EIF3K: variants seen among roughly 807,000 people sequenced by gnomAD.
The protein encoded by EIF3K is eIF-3 p28.
Under a neutral mutation model 34.2 loss-of-function variants are expected in EIF3K, and 27 were observed. The observed-to-expected ratio is 0.79, with a 90% confidence interval of 0.58 to 1.09. EIF3K has a LOEUF of 1.09. Among genes scored for constraint, EIF3K ranks in the 50% least tolerant of loss-of-function variants. The pLI, the probability that EIF3K is intolerant of heterozygous loss-of-function variation, is 0.00. For synonymous variants in EIF3K, 105 were observed against 105.7 expected (o/e 0.99, Z 0.04); for missense variants, 232 against 275.4 (o/e 0.84, Z 1.11).
At chr19:38,620,886 C>T (rs1224245814) in intron 2 of EIF3K, among the ~76,000 whole-genome samples, 1 of 151,390 alleles carries the variant, frequency 6.6e-6, no homozygotes, top group African/African-American at 2.4e-5. Flanking sequence ...AAGACCGAAA[C>T]TCCGTCTCAA....
At chr19:38,635,398 AC>A (rs1976169016) in intron 7 of EIF3K, 1 of 488,906 alleles carries the variant, frequency 2.0e-6, no homozygotes, top group East Asian at 3.0e-5. Context: ...GGGTCTCTGC[AC>A]CCTTATTTGT....
chr19:38,629,865 G>A lies in EIF3K; in HGVS notation c.355-2565G>A, dbSNP rs371320335. On this transcript the variant is annotated intron_variant, in intron 4 of 7. Coordinates refer to ENST00000248342, the MANE Select transcript of EIF3K (RefSeq NM_013234.4). ...TAGGTGGAGGTGAGGGCACAGAGGT[G>A]ACAGGCAGATTCTGTGTGGCCTAAT... 1.6e-4 allele frequency among the ~76,000 whole-genome samples: 25 copies of A among 152,312 alleles called. No individual in the cohort carries two copies. In the East Asian group the frequency reaches 3.3e-3, roughly 20 times the overall value.
At chr19:38,630,267 C>T (rs1389814978) in intron 4 of EIF3K, among the ~76,000 whole-genome samples, 1 of 150,926 alleles carries the variant, frequency 6.6e-6, no homozygotes, top group African/African-American at 2.5e-5. Context: ...GATTCTTCTG[C>T]CTCATCTTCC....
intron 4 of EIF3K, among the ~76,000 whole-genome samples, chr19:38,631,122 A>G (rs1976055622): frequency 6.6e-6 from 1 of 152,158 alleles, no homozygotes; most frequent in Non-Finnish European, 1.5e-5. Flanking sequence ...GGTAGCTGCT[A>G]TTCTTGTTAA....
Position 38,627,635 on chromosome 19 carries a change from C to T in EIF3K, c.354+1533C>T, listed in dbSNP as rs536514549. 1.2e-3 allele frequency among the ~76,000 whole-genome samples: 176 copies of T among 151,660 alleles called. 1 individual carries two copies. Among genetic ancestry groups the T allele is most frequent in the Admixed American group, 5.3e-3 (80 of 15,214 alleles). ...AGGTTATGGTGAGCTGAGATCATGCCGTTGCACTCCAGCCTGGGTGACAGA... is the reference window on the plus strand; with the variant it reads ...AGGTTATGGTGAGCTGAGATCATGCTGTTGCACTCCAGCCTGGGTGACAGA... On this transcript the variant is annotated intron_variant, in intron 4 of 7. Coordinates refer to ENST00000248342, the MANE Select transcript of EIF3K (RefSeq NM_013234.4).
chr19:38,625,928 T>C, intron 3 of EIF3K, 100 bp from the exon 4 acceptor site: 1 of 1,134,632 alleles, frequency 8.8e-7, no homozygotes, highest in Non-Finnish European at 1.3e-6. Context: ...GAGCTGAAGC[T>C]TTGGAAGAAA....
intron 1 of EIF3K, among the ~76,000 whole-genome samples, chr19:38,619,550 C>T (rs567706070): frequency 1.3e-5 from 2 of 152,062 alleles, no homozygotes; most frequent in South Asian, 2.1e-4. Context: ...TCGCCTGAGC[C>T]CAGGAGTTAG....
chr19:38,633,226 T>C (rs1044854108), intron 6 of EIF3K, among the ~76,000 whole-genome samples: 8 of 151,972 alleles, frequency 5.3e-5, no homozygotes, highest in South Asian at 2.1e-4. Context: ...TTCCAGGTCA[T>C]GTGGGGCCTC....
At chr19:38,631,579 TC>T (rs1976067515) in intron 4 of EIF3K, among the ~76,000 whole-genome samples, 1 of 152,156 alleles carries the variant, frequency 6.6e-6, no homozygotes, top group South Asian at 2.1e-4. Flanking sequence ...CACGAGACAT[TC>T]CATTGCCCAG....
intron 7 of EIF3K, 37 bp downstream of exon 7, chr19:38,635,155 A>AG (rs1568659054): frequency 6.2e-7 from 1 of 1,613,736 alleles, no homozygotes. Flanking sequence ...TTTGGGGCTA[A>AG]GGGGGTGCCC....
In EIF3K at chr19:38,626,063, C is replaced by T. The variant is rs746185236; in HGVS notation, c.315C>T (p.Leu105=). 4.3e-6 allele frequency: 7 copies of T among 1,614,140 alleles called. No individual in the cohort carries two copies. The highest frequency in any genetic ancestry group is 2.2e-5 in the East Asian group (1 of 44,876). Residue 105 remains leucine (L), a synonymous_variant, in exon 4 of 8, where the codon CTC becomes CTT. Coordinates refer to ENST00000248342, the MANE Select transcript of EIF3K (RefSeq NM_013234.4). Reference sequence around the variant, plus strand: ...GGCCAATCCGACAGATTTTGTACCTCGGGGACCTGCTGGAGACCTGCCATT... The same window carrying T: ...GGCCAATCCGACAGATTTTGTACCTTGGGGACCTGCTGGAGACCTGCCATT... ...EERPIRQILY[L]GDLLETCHFQ... is the part of the protein sequence containing the mutation.
chr19:38,622,480 A>G lies in EIF3K; in HGVS notation c.159-1597A>G, dbSNP rs140658998. On this transcript the variant is annotated intron_variant, in intron 2 of 7. Transcript: ENST00000248342. The stretch of plus-strand genomic sequence containing the variant: ...GTGCGAATAGGTGTGGGCGACAGAC[A>G]TCAAGTACTTAACAGGGTAATAGAA... Among the ~76,000 whole-genome samples, 563 of 152,364 alleles carry G rather than the reference A, an allele frequency of 3.7e-3. 3 individuals carry two copies. The highest frequency in any genetic ancestry group is 0.012 in the African/African-American group (510 of 41,580).
intron 3 of EIF3K, 87 bp downstream of exon 3, chr19:38,624,284 G>T: frequency 3.8e-6 from 6 of 1,571,872 alleles, no homozygotes. Flanking sequence ...GTCTGTGGGT[G>T]TATCCACAAA....
intron 4 of EIF3K, chr19:38,630,904 G>C (rs947208434): frequency 6.6e-6 from 1 of 150,922 alleles, no homozygotes; most frequent in Non-Finnish European, 1.5e-5. Flanking sequence ...TCGAACTCCC[G>C]ACCTCAGGTG....
At position 38,626,190 on chromosome 19, in the gene EIF3K, C is replaced by T. The variant is rs114574470; in HGVS notation, c.354+88C>T. On this transcript the variant is annotated intron_variant, in intron 4 of 7. Coordinates refer to ENST00000248342, the MANE Select transcript of EIF3K (RefSeq NM_013234.4). ...AGTAACAACGGTGCACACTGACTGG[C>T]TTCCTGCTTTGGCGGTGGGCCCAGT... 1,372 of 1,278,648 alleles carry T rather than the reference C, an allele frequency of 1.1e-3. 6 individuals carry two copies. The African/African-American group carries it at 0.018, about 17-fold the overall frequency. The allele number at this position is 1,278,648 out of a possible 1,614,324, so 79.2% of individuals were successfully genotyped here. A position where few individuals can be genotyped will look rare whatever the true frequency, so the allele number is the denominator to read the frequency against.
rs1771350964 is a variant in EIF3K, at chr19:38,619,453, G to A, written c.59+126G>A. The A allele has an allele frequency of 1.3e-5, 14 of 1,059,690 alleles. No homozygotes were observed. In the South Asian group the frequency reaches 2.0e-4, roughly 15 times the overall value. 65.6% of individuals were successfully genotyped at this position (1,059,690 alleles called of 1,614,324 possible). On this transcript the variant is annotated intron_variant, in intron 1 of 7. Transcript: ENST00000248342. ...GTGGGGTTTCTCTATCCTCCTGGAGGAGGAGATGCTTAAAGAAACGGCACT... is the reference window on the plus strand; with the variant it reads ...GTGGGGTTTCTCTATCCTCCTGGAGAAGGAGATGCTTAAAGAAACGGCACT...
chr19:38,631,865 A>T (rs889681035), intron 4 of EIF3K, among the ~76,000 whole-genome samples: 1 of 152,192 alleles, frequency 6.6e-6, no homozygotes, highest in Non-Finnish European at 1.5e-5. Context: ...CTCAAGGAGC[A>T]TGCTGCCTTC....
Position 38,632,420 on chromosome 19 carries a change from C to G in EIF3K, c.355-10C>G. The G allele has an allele frequency of 6.2e-7, 1 of 1,612,306 alleles. No homozygotes were observed. Among genetic ancestry groups the G allele is most frequent in the East Asian group, 2.2e-5 (1 of 44,874 alleles). On this transcript the variant is annotated splice_polypyrimidine_tract_variant and intron_variant, in intron 4 of 7. Transcript: ENST00000248342. ...AGAATAAACATTGTGAACATCAATTCCCATCACAGCAAGCCCTGGATGAAA... is the reference window on the plus strand; with the variant it reads ...AGAATAAACATTGTGAACATCAATTGCCATCACAGCAAGCCCTGGATGAAA...
intron 7 of EIF3K, among the ~76,000 whole-genome samples, chr19:38,636,363 G>T (rs902199719): frequency 6.6e-6 from 1 of 152,118 alleles, no homozygotes; most frequent in African/African-American, 2.4e-5. Flanking sequence ...AACAGGATAG[G>T]TTCAAAATAC....
Sources: gnomAD v4.1 joint callset for allele counts (sites outside exome capture counted in the v4.1 genomes callset) on GRCh38, gnomAD v4.1.1 for gene constraint, MANE v1.5 for transcripts, NCBI Gene and HGNC (gene_info 2026-07-23, HGNC 2026-07-21) for gene names.